Variants in MRFAP1 observed in about 807,000 individuals in gnomAD.
MRFAP1 encodes MORF4 family-associated protein 1.
A neutral mutation model predicts 9.3 loss-of-function variants in MRFAP1; 1 was observed. The ratio of observed to expected loss-of-function variants is 0.11; its 90% confidence interval spans 0.04 to 0.51. MRFAP1 has a LOEUF of 0.51. MRFAP1 is among the 20% of genes least tolerant of loss of function. MRFAP1 has a pLI of 0.94. For synonymous variants in MRFAP1, 101 were observed against 80.3 expected (o/e 1.26, Z -1.38); for missense variants, 180 against 178.6 (o/e 1.01, Z -0.04).
intron 1 of MRFAP1, 71 bp downstream of exon 1, chr4:6,641,329 T>G (rs1169591280): frequency 6.6e-7 from 1 of 1,504,250 alleles, no homozygotes; most frequent in Non-Finnish European, 8.9e-7. Flanking sequence ...GATGATTTCA[T>G]CGAGATGCAC....
Position 6,640,939 on chromosome 4 carries a change from A to G in MRFAP1, c.77A>G (p.Gln26Arg). The change falls in exon 1 of 2, where the codon CAG (glutamine) becomes CGG (arginine). Residue 26 changes from glutamine (Q) to arginine (R), a missense_variant. Coordinates refer to ENST00000382581, the MANE Select transcript of MRFAP1 (RefSeq NM_033296.3). ...EVLEPEEDFE[Q>R]FLLPVINEMR... ...CTGGAGCCCGAGGAGGATTTCGAGC[A>G]GTTTCTGCTCCCGGTCATCAACGAG... 1 of 1,614,026 alleles carries G rather than the reference A, an allele frequency of 6.2e-7. No individual in the cohort carries two copies. The highest frequency in any genetic ancestry group is 8.5e-7 in the Non-Finnish European group (1 of 1,179,884).
rs1051898412 is a variant in MRFAP1 at position 6,642,433 on chromosome 4, T to G, written c.*716T>G. 6.6e-6 allele frequency: 1 copy of G among 152,664 alleles called. No individual in the cohort carries two copies. The highest frequency in any genetic ancestry group is 1.5e-5 in the Non-Finnish European group (1 of 68,026). The allele number at this position is 152,664 out of a possible 1,614,324, so 9.5% of individuals were successfully genotyped here. ...GCTTTATTTGACATGGAACCTAAAA[T>G]AGAAGATAAGATCTTGATATTCTGT... On this transcript the variant is annotated 3_prime_UTR_variant, in exon 2 of 2. Transcript: ENST00000382581.
intron 1 of MRFAP1, 32 bp downstream of exon 1, chr4:6,641,290 C>G (rs566551776): frequency 1.3e-6 from 2 of 1,531,728 alleles, no homozygotes; most frequent in African/African-American, 1.4e-5. Context: ...GGCCGAGGAG[C>G]GGCCCCAGCT....
Position 6,640,733 on chromosome 4 carries a change from C to G in MRFAP1, c.-130C>G, listed in dbSNP as rs1712781860. 1 of 1,265,452 alleles carries G rather than the reference C, an allele frequency of 7.9e-7. No homozygotes were observed. Among genetic ancestry groups the G allele is most frequent in the Non-Finnish European group, 1.1e-6 (1 of 916,674 alleles). The allele number at this position is 1,265,452 out of a possible 1,614,324, so 78.4% of individuals were successfully genotyped here. A position where few individuals can be genotyped will look rare whatever the true frequency, so the allele number is the denominator to read the frequency against. Reference sequence around the variant, plus strand: ...CGTAAGTCGCTTGTCCGTGGCTTCTCTGAGAAGAAAAGTTGAAAAAGGGTA... The same window carrying G: ...CGTAAGTCGCTTGTCCGTGGCTTCTGTGAGAAGAAAAGTTGAAAAAGGGTA... On this transcript the variant is annotated 5_prime_UTR_variant, in exon 1 of 2. Transcript: ENST00000382581.
In MRFAP1 at chr4:6,641,195, A is replaced by G. The variant is rs1223595077; in HGVS notation, c.333A>G (p.Ala111=). Residue 111 remains alanine, a synonymous_variant, in exon 1 of 2, where the codon GCA becomes GCG. Transcript: ENST00000382581. ...EEKAKEIAKM[A]EMLVELVRRI... ...AGGCCAAGGAGATTGCGAAGATGGC[A>G]GAGATGCTGGTGGAGCTGGTCCGGC... 9.3e-6 allele frequency: 15 copies of G among 1,610,916 alleles called. No homozygotes were observed. The highest frequency in any genetic ancestry group is 1.3e-5 in the Non-Finnish European group (15 of 1,177,910).
At position 6,642,679 on chromosome 4, in the gene MRFAP1, A is replaced by G. The variant is rs1712884292; in HGVS notation, c.*962A>G. The G allele has an allele frequency of 6.6e-6, 1 of 152,326 alleles. No homozygotes were observed. Among genetic ancestry groups the G allele is most frequent in the Non-Finnish European group, 1.5e-5 (1 of 68,044 alleles). The allele number at this position is 152,326 out of a possible 1,614,324, so 9.4% of individuals were successfully genotyped here. A position where few individuals can be genotyped will look rare whatever the true frequency, so the allele number is the denominator to read the frequency against. Reference sequence around the variant, plus strand: ...TTTGAGGTCAGAACCCTACCATGTTAAAACAAACAAAAACTTACCATGTTA... The same window carrying G: ...TTTGAGGTCAGAACCCTACCATGTTGAAACAAACAAAAACTTACCATGTTA... On this transcript the variant is annotated 3_prime_UTR_variant, in exon 2 of 2. Transcript: ENST00000382581.
rs778810800 is a variant in MRFAP1 at position 6,640,854 on chromosome 4, T to C, written c.-9T>C. 1 of 1,598,712 alleles carries C rather than the reference T, an allele frequency of 6.3e-7. No homozygotes were observed. The highest frequency in any genetic ancestry group is 8.5e-7 in the Non-Finnish European group (1 of 1,169,866). ...CATCGCTATTGCGGTTCCGAGGCAG[T>C]GGGAAGAGATGCGGCCCCTGGACAT... On this transcript the variant is annotated 5_prime_UTR_variant, in exon 1 of 2. Transcript: ENST00000382581.
chr4:6,642,464 T>C lies in MRFAP1; in HGVS notation c.*747T>C, dbSNP rs1435989109. On this transcript the variant is annotated 3_prime_UTR_variant, in exon 2 of 2. Coordinates refer to ENST00000382581, the MANE Select transcript of MRFAP1 (RefSeq NM_033296.3). ...ATAAGATCTTGATATTCTGTACAAG[T>C]TGATGTAATACCCTGATGCGTTTTA... 1 of 152,646 alleles carries C rather than the reference T, an allele frequency of 6.6e-6. No homozygotes were observed. The highest frequency in any genetic ancestry group is 1.9e-4 in the East Asian group (1 of 5,202). The allele number at this position is 152,646 out of a possible 1,614,324, so 9.5% of individuals were successfully genotyped here. A position where few individuals can be genotyped will look rare whatever the true frequency, so the allele number is the denominator to read the frequency against.
At position 6,641,022 on chromosome 4, in the gene MRFAP1, C is replaced by A. The variant is rs766987420; in HGVS notation, c.160C>A (p.Arg54=). The change falls in exon 1 of 2, where the codon CGG becomes AGG. Residue 54 remains arginine, a synonymous_variant. Transcript: ENST00000382581. Reference sequence around the variant, plus strand: ...GCACGGGCGGGCGTACCTGCGGAACCGGAGCAAGCTGTGGGAGATGGACAA... The same window carrying A: ...GCACGGGCGGGCGTACCTGCGGAACAGGAGCAAGCTGTGGGAGATGGACAA... ...REHGRAYLRN[R]SKLWEMDNML... The A allele has an allele frequency of 1.5e-5, 24 of 1,614,126 alleles. No individual in the cohort carries two copies. Among genetic ancestry groups the A allele is most frequent in the South Asian group, 4.4e-5 (4 of 91,086 alleles).
At position 6,641,272 on chromosome 4, in the gene MRFAP1, C is replaced by A; in HGVS notation, c.*12+14C>A. 6.5e-7 allele frequency: 1 copy of A among 1,537,714 alleles called. No individual in the cohort carries two copies. The highest frequency in any genetic ancestry group is 1.3e-5 in the South Asian group (1 of 79,936). Reference sequence around the variant, plus strand: ...GCGCGGTCGGCGGTAAGTCGGGCACCCGCGCCAGGCCGAGGAGCGGCCCCA... The same window carrying A: ...GCGCGGTCGGCGGTAAGTCGGGCACACGCGCCAGGCCGAGGAGCGGCCCCA... On this transcript the variant is annotated intron_variant, in intron 1 of 1. Transcript: ENST00000382581.
At chr4:6,641,543 C>T (rs1712831074) in intron 1 of MRFAP1, 187 bp from the exon 2 acceptor site, 1 of 354,098 alleles carries the variant, frequency 2.8e-6, no homozygotes, top group South Asian at 5.7e-5. Context: ...GGCCGTCCAG[C>T]AAGCGGGGGT....
Position 6,641,171 on chromosome 4 carries a change from G to C in MRFAP1, c.309G>C (p.Lys103Asn). The change falls in exon 1 of 2, where the codon AAG becomes AAC. Residue 103 changes from lysine (K) to asparagine (N), a missense_variant. Lys to Asn is a moderately conservative substitution (Grantham distance 94, BLOSUM62 0). Transcript: ENST00000382581. ...AAKRCEKAEE[K>N]AKEIAKMAEM... ...AGAGGTGCGAGAAGGCCGAGGAGAA[G>C]GCCAAGGAGATTGCGAAGATGGCAG... is the stretch of plus-strand genomic sequence containing the variant. 1.2e-6 allele frequency: 2 copies of C among 1,613,432 alleles called. No homozygotes were observed. Among genetic ancestry groups the C allele is most frequent in the Non-Finnish European group, 1.7e-6 (2 of 1,179,550 alleles).
chr4:6,641,132 G>T lies in MRFAP1; in HGVS notation c.270G>T (p.Glu90Asp), dbSNP rs764270385. 6.2e-7 allele frequency: 1 copy of T among 1,614,196 alleles called. No homozygotes were observed. Among genetic ancestry groups the T allele is most frequent in the East Asian group, 2.2e-5 (1 of 44,874 alleles). The change falls in exon 1 of 2, where the codon GAG becomes GAT. Residue 90 changes from glutamate to aspartate, a missense_variant. Glu to Asp is a conservative substitution (Grantham distance 45). Coordinates refer to ENST00000382581, the MANE Select transcript of MRFAP1 (RefSeq NM_033296.3). ...NHLQNPGDAAEGRAAKRCEKA... is the reference protein window; with the variant it reads ...NHLQNPGDAADGRAAKRCEKA... ...TCCAGAACCCGGGCGACGCGGCCGAGGGCCGGGCGGCCAAGAGGTGCGAGA... is the reference window on the plus strand; with the variant it reads ...TCCAGAACCCGGGCGACGCGGCCGATGGCCGGGCGGCCAAGAGGTGCGAGA...
Position 6,641,222 on chromosome 4 carries a change from G to A in MRFAP1, c.360G>A (p.Arg120=), listed in dbSNP as rs1157774819. ...AGATGCTGGTGGAGCTGGTCCGGCGGATAGAGAAGAGCGAGTCGTCGTGAG... is the reference window on the plus strand; with the variant it reads ...AGATGCTGGTGGAGCTGGTCCGGCGAATAGAGAAGAGCGAGTCGTCGTGAG... The part of the protein sequence containing the change: ...MAEMLVELVR[R]IEKSESS Residue 120 remains arginine (R), a synonymous_variant, in exon 1 of 2, where the codon CGG becomes CGA. Transcript: ENST00000382581. 6.3e-6 allele frequency: 10 copies of A among 1,592,798 alleles called. No homozygotes were observed. Among genetic ancestry groups the A allele is most frequent in the Non-Finnish European group, 8.6e-6 (10 of 1,165,980 alleles).
chr4:6,640,832 C>A lies in MRFAP1; in HGVS notation c.-31C>A, dbSNP rs749150979. ...TCGGTTTTCTCTCTCCAACAGACAT[C>A]GCTATTGCGGTTCCGAGGCAGTGGG... On this transcript the variant is annotated 5_prime_UTR_variant, in exon 1 of 2. Coordinates refer to ENST00000382581, the MANE Select transcript of MRFAP1 (RefSeq NM_033296.3). 1.9e-6 allele frequency: 3 copies of A among 1,582,446 alleles called. No homozygotes were observed. In the African/African-American group the frequency reaches 4.0e-5, roughly 21 times the overall value.
At chr4:6,641,358 G>A in intron 1 of MRFAP1, 100 bp downstream of exon 1, 1 of 1,448,866 alleles carries the variant, frequency 6.9e-7, no homozygotes, top group Non-Finnish European at 9.3e-7. Flanking sequence ...GGGGTGGGGC[G>A]GGAGAATAAA....
In MRFAP1 at chr4:6,640,881, G is replaced by C. The variant is rs1461776413; in HGVS notation, c.19G>C (p.Val7Leu). 5 of 1,609,946 alleles carry C rather than the reference G, an allele frequency of 3.1e-6. No individual in the cohort carries two copies. In the East Asian group the frequency reaches 1.1e-4, roughly 36 times the overall value. Residue 7 changes from valine to leucine, a missense_variant, in exon 1 of 2, where the codon GTC becomes CTC. Val to Leu is a conservative substitution (Grantham distance 32, BLOSUM62 1). Transcript: ENST00000382581. MRPLDI[V>L]ELAEPEEVEV... ...GGAAGAGATGCGGCCCCTGGACATC[G>C]TCGAGCTGGCGGAACCGGAGGAAGT...
rs1386339008 is a variant in MRFAP1 at position 6,640,695 on chromosome 4, C to T, written c.-168C>T. On this transcript the variant is annotated 5_prime_UTR_variant, in exon 1 of 2. Transcript: ENST00000382581. ...GACGGCCGGGACTCCATTTTGTTCG[C>T]CGTTACTCTGCGCGTAAGTCGCTTG... 1 of 858,558 alleles carries T rather than the reference C, an allele frequency of 1.2e-6. No homozygotes were observed. Among genetic ancestry groups the T allele is most frequent in the East Asian group, 2.5e-5 (1 of 39,328 alleles). The allele number at this position is 858,558 out of a possible 1,614,324, so 53.2% of individuals were successfully genotyped here.
At chr4:6,641,478 T>C in intron 1 of MRFAP1, 1 of 532,294 alleles carries the variant, frequency 1.9e-6, no homozygotes, top group Non-Finnish European at 3.2e-6. Flanking sequence ...GCGTGTTCAG[T>C]GGAAGGGTCA....
Sources: allele counts gnomAD v4.1 joint callset, GRCh38; gene constraint gnomAD v4.1.1; transcripts MANE v1.5; gene names NCBI Gene and HGNC (gene_info 2026-07-23, HGNC 2026-07-21).